Variants in PLEC observed in about 807,000 individuals in gnomAD.
PLEC encodes the protein plectin, also known as hemidesmosomal protein 1.
Under a neutral mutation model 392.8 loss-of-function variants are expected in PLEC, and 216 were observed. The observed-to-expected ratio is 0.55, with a 90% CI of 0.49 to 0.62. The LOEUF is 0.62. Ranked by LOEUF, PLEC falls within the 20% of genes least tolerant of loss-of-function variation. The pLI is 0.00. For synonymous variants in PLEC, 3,621 were observed against 2,980.6 expected, an observed-to-expected ratio of 1.21 and a Z score of -7.00; for missense variants, 6,863 against 6,563.4, an observed-to-expected ratio of 1.05 and a Z score of -1.58.
chr8:143,969,683 G>A lies in PLEC; in HGVS notation c.70+3720C>T, dbSNP rs901518508. On this transcript the variant is annotated intron_variant, in intron 1 of 31. Coordinates refer to the PLEC transcript ENST00000356346. The surrounding 1 kb of genome is among the most constrained non-coding windows in gnomAD (Gnocchi z 5.1). ...AGTCCAGCGTTGTGGGCAGGGGCCT[G>A]TCCTGGGGGTCAGGGCATGAGTGCA... Among the ~76,000 whole-genome samples, 2 of 152,184 alleles carry A rather than the reference G, an allele frequency of 1.3e-5. No homozygotes were observed. Among genetic ancestry groups the A allele is most frequent in the African/African-American group, 2.4e-5 (1 of 41,436 alleles).
In PLEC at chr8:143,945,860, C is replaced by T. The variant is rs578056849; in HGVS notation, c.523+4324G>A. Among the ~76,000 whole-genome samples, 152 of 152,380 alleles carry T rather than the reference C, an allele frequency of 1.0e-3. 1 individual carries two copies. The highest frequency in any genetic ancestry group is 4.1e-3 in the Admixed American group (63 of 15,310). On this transcript the variant is annotated intron_variant, in intron 1 of 31. Coordinates refer to the PLEC transcript ENST00000322810. The stretch of plus-strand genomic sequence containing the variant: ...GCCCCACACCTCAAAAACGTGCGGC[C>T]GAGGGAAATGCCTGCAGTGGCCCAC...
At chr8:143,959,722 T>C (rs1201756086) in intron 1 of PLEC, among the ~76,000 whole-genome samples, 1 of 152,254 alleles carries the variant, frequency 6.6e-6, no homozygotes, top group Admixed American at 6.5e-5. Flanking sequence ...TGAAACCTGG[T>C]GTGGTGGCTC....
intron 30 of PLEC, 63 bp from the exon 31 acceptor site, chr8:143,925,947 G>A (rs968246198): frequency 2.4e-5 from 36 of 1,483,322 alleles, no homozygotes; most frequent in East Asian, 9.8e-5. Context: ...AGGCGCTGAC[G>A]GGGCACGCAC....
chr8:143,938,324 G>T, intron 2 of PLEC, 84 bp from the exon 3 acceptor site: 1 of 1,535,028 alleles, frequency 6.5e-7, no homozygotes, highest in South Asian at 1.2e-5. Flanking sequence ...AGTGGGTGCT[G>T]GTCCCAGAGG....
At position 143,932,915 on chromosome 8, in the gene PLEC, C is replaced by T; in HGVS notation, c.1615G>A (p.Val539Met). ...TCCACACCCCACTCAGCGCCATCCA[C>T]ACGGTGCTGGTTCTCCTCCACCCAG... ...LAWVEENQHRVDGAEWGVDLP... is the reference protein window; with the variant it reads ...LAWVEENQHRMDGAEWGVDLP... Residue 539 changes from valine (V) to methionine (M), a missense_variant, in exon 14 of 32, where the codon GTG becomes ATG. By Grantham distance (21) the Val-to-Met change is conservative (BLOSUM62 1). Transcript: ENST00000345136. The T allele has an allele frequency of 3.1e-6, 5 of 1,612,652 alleles. No individual in the cohort carries two copies. Among genetic ancestry groups the T allele is most frequent in the Non-Finnish European group, 4.2e-6 (5 of 1,179,922 alleles).
rs782458223 is a variant in PLEC, at chr8:143,935,229, G to T, written c.687C>A (p.Asp229Glu). 1 of 1,612,458 alleles carries T rather than the reference G, an allele frequency of 6.2e-7. No individual in the cohort carries two copies. ...LDQAFSVAER[D>E]LGVTRLLDPE... Reference sequence around the variant, plus strand: ...GGTCCAGGAGCCGCGTCACTCCCAGGTCCCGCTCCGCCACAGAGAAGGCCT... The same window carrying T: ...GGTCCAGGAGCCGCGTCACTCCCAGTTCCCGCTCCGCCACAGAGAAGGCCT... Residue 229 changes from aspartate (D) to glutamate (E), a missense_variant, in exon 7 of 32, where the codon GAC (aspartate) becomes GAA (glutamate). Coordinates refer to ENST00000345136, the MANE Select transcript of PLEC (RefSeq NM_201384.3).
chr8:143,960,493 T>C (rs1406828572), intron 1 of PLEC, among the ~76,000 whole-genome samples: 1 of 151,684 alleles, frequency 6.6e-6, no homozygotes. Flanking sequence ...GGCGGGTGCC[T>C]GTAATCCCAG....
rs1554708777 is a variant in PLEC at position 143,927,859 on chromosome 8, G to C, written c.3394C>G (p.Leu1132Val). The part of the protein sequence containing the change: ...LPELEATKAS[L>V]KKLRAQAEAQ... ...CCCAAGCCTCGAAACGATACCTTCA[G>C]AGAGGCCTTGGTGGCCTCGAGCTCC... Residue 1132 changes from leucine (L) to valine (V), a missense_variant, in exon 26 of 32, where the codon CTG becomes GTG. Physicochemically the swap from Leu to Val is conservative, Grantham distance 32. Coordinates refer to ENST00000345136, the MANE Select transcript of PLEC (RefSeq NM_201384.3). 6.3e-7 allele frequency: 1 copy of C among 1,591,100 alleles called. No individual in the cohort carries two copies. Among genetic ancestry groups the C allele is most frequent in the South Asian group, 1.1e-5 (1 of 88,326 alleles).
chr8:143,930,516 G>T lies in PLEC; in HGVS notation c.2325C>A (p.Asn775Lys). 1 of 1,595,708 alleles carries T rather than the reference G, an allele frequency of 6.3e-7. No homozygotes were observed. The highest frequency in any genetic ancestry group is 1.1e-5 in the South Asian group (1 of 88,566). The change falls in exon 20 of 32, where the codon AAC becomes AAA. Residue 775 changes from asparagine to lysine, a missense_variant. Physicochemically the swap from Asn to Lys is moderately conservative, Grantham distance 94 (BLOSUM62 0). Coordinates refer to ENST00000345136, the MANE Select transcript of PLEC (RefSeq NM_201384.3). The part of the protein sequence containing the change: ...QDAQDEKEQL[N>K]EYKGHLSGLA... Reference sequence around the variant, plus strand: ...GGCCTGAGAGGTGGCCCTTGTACTCGTTCAGCTGTTCCTTCTCGTCCTGTG... The same window carrying T: ...GGCCTGAGAGGTGGCCCTTGTACTCTTTCAGCTGTTCCTTCTCGTCCTGTG...
At chr8:143,939,161 G>A (rs781841721) in intron 1 of PLEC, among the ~76,000 whole-genome samples, 189 bp downstream of exon 1, 1 of 152,212 alleles carries the variant, frequency 6.6e-6, no homozygotes, top group South Asian at 2.1e-4. Context: ...TCTGACGCTC[G>A]GAGGCCCCCG....
chr8:143,941,391 C>T (rs1311631851), upstream of PLEC, among the ~76,000 whole-genome samples: 7 of 152,144 alleles, frequency 4.6e-5, no homozygotes, highest in African/African-American at 1.4e-4. Context: ...CACTAACAGG[C>T]CTCCAAAGAT....
At position 143,921,332 on chromosome 8, in the gene PLEC, T is replaced by C. The variant is rs199720608; in HGVS notation, c.8489A>G (p.Tyr2830Cys). Reference protein sequence around the residue: ...HSHRVPVDVAYRRGYFDEEMN... With the variant: ...HSHRVPVDVACRRGYFDEEMN... ...CTCCTCGTCGAAGTAGCCGCGCCGG[T>C]AGGCCACGTCCACGGGCACGCGGTG... Residue 2830 changes from tyrosine (Y) to cysteine (C), a missense_variant, in exon 32 of 32, where the codon TAC (tyrosine) becomes TGC (cysteine). By Grantham distance (194) the Tyr-to-Cys change is radical. Transcript: ENST00000345136. 19,340 of 1,613,818 alleles carry C rather than the reference T, an allele frequency of 0.012. 143 individuals are homozygous for C. The highest frequency in any genetic ancestry group is 0.014 in the Non-Finnish European group (16,886 of 1,179,986).
intron 1 of PLEC, among the ~76,000 whole-genome samples, chr8:143,966,640 G>A (rs1442267952): frequency 3.3e-5 from 5 of 152,052 alleles, no homozygotes; most frequent in African/African-American, 9.7e-5. Flanking sequence ...AGGACAGGGC[G>A]GGGCTCGGCT....
upstream of PLEC, among the ~76,000 whole-genome samples, chr8:143,954,732 C>T (rs563922003): frequency 3.3e-5 from 5 of 152,298 alleles, 1 homozygote; most frequent in East Asian, 3.9e-4. The surrounding 1 kb of genome is among the most constrained non-coding windows in gnomAD (Gnocchi z 4.6). Flanking sequence ...GCAGGGGGCA[C>T]GGAGGAATGC....
At chr8:143,943,088 C>T (rs903238842), upstream of PLEC, among the ~76,000 whole-genome samples, 2 of 152,180 alleles carry the variant, frequency 1.3e-5, no homozygotes, top group South Asian at 2.1e-4. Context: ...GCGTCCCCAG[C>T]GCCACGCCTA....
chr8:143,946,172 T>G (rs1831441147), intron 1 of PLEC, among the ~76,000 whole-genome samples: 1 of 152,168 alleles, frequency 6.6e-6, no homozygotes, highest in Admixed American at 6.5e-5. Flanking sequence ...GACAGGCCTG[T>G]GCTTCCGGGA....
At chr8:143,965,588 T>C (rs1833048990) in intron 1 of PLEC, among the ~76,000 whole-genome samples, 1 of 152,142 alleles carries the variant, frequency 6.6e-6, no homozygotes, top group Admixed American at 6.5e-5. Context: ...CTGGTCCCAC[T>C]AGCATCGCCC....
At chr8:143,966,737 G>A (rs1833116436) in intron 1 of PLEC, among the ~76,000 whole-genome samples, 1 of 152,292 alleles carries the variant, frequency 6.6e-6, no homozygotes, top group South Asian at 2.1e-4. Context: ...CGGCTCGGGG[G>A]CACAGAAGTG....
intron 1 of PLEC, among the ~76,000 whole-genome samples, chr8:143,938,973 G>A (rs1829819442): frequency 6.6e-6 from 1 of 150,514 alleles, no homozygotes; most frequent in African/African-American, 2.4e-5. Flanking sequence ...CTGAGCCCAG[G>A]GCACACAAGT....
Sources: allele counts gnomAD v4.1 joint callset (sites outside exome capture counted in the v4.1 genomes callset), GRCh38; gene constraint gnomAD v4.1.1; non-coding constraint Gnocchi (gnomAD v3.1); transcripts MANE v1.5; gene names NCBI Gene and HGNC (gene_info 2026-07-23, HGNC 2026-07-21).